DSE: variants seen among roughly 807,000 people sequenced by gnomAD.
The protein encoded by DSE is dermatan-sulfate epimerase.
A neutral mutation model predicts 84.4 loss-of-function variants in DSE; 36 were observed. The observed-to-expected ratio is 0.43, with a 90% CI of 0.33 to 0.56. The LOEUF is 0.56. DSE is among the 20% of genes least tolerant of loss of function. The pLI, the probability that DSE is intolerant of heterozygous loss-of-function variation, is 0.06. For synonymous variants in DSE, 410 were observed against 430.1 expected (o/e 0.95, Z 0.58); for missense variants, 862 against 1,169.6 (o/e 0.74, Z 3.84).
At chr6:116,302,169 T>C (rs2114706811) in intron 2 of DSE, among the ~76,000 whole-genome samples, 1 of 152,312 alleles carries the variant, frequency 6.6e-6, no homozygotes, top group Non-Finnish European at 1.5e-5. Flanking sequence ...GATTGCTGGG[T>C]CAAATGGTAT....
chr6:116,357,000 G>A (rs1477972630), intron 2 of DSE, among the ~76,000 whole-genome samples: 5 of 152,116 alleles, frequency 3.3e-5, no homozygotes, highest in South Asian at 2.1e-4. Flanking sequence ...GCCTCCACAC[G>A]GAGCTATGGT....
chr6:116,352,762 AT>A (rs1168635985), intron 2 of DSE, among the ~76,000 whole-genome samples: 1 of 152,074 alleles, frequency 6.6e-6, no homozygotes, highest in African/African-American at 2.4e-5. Flanking sequence ...ATCATTACCC[AT>A]TTTGCAACAC....
chr6:116,371,154 G>A (rs1272042739), intron 1 of DSE, 33 bp downstream of exon 1: 1 of 985,850 alleles, frequency 1.0e-6, no homozygotes, highest in South Asian at 4.7e-5. Flanking sequence ...GACGAGCTGG[G>A]GCGCGCGGCG....
intron 2 of DSE, among the ~76,000 whole-genome samples, chr6:116,266,742 CT>C (rs748405449): frequency 2.0e-5 from 3 of 152,054 alleles, no homozygotes. Flanking sequence ...TATTTTCTTT[CT>C]TTTTCTTACT....
intron 1 of DSE, among the ~76,000 whole-genome samples, chr6:116,376,833 T>C (rs796982019): frequency 9.8e-5 from 15 of 152,352 alleles, no homozygotes; most frequent in African/African-American, 3.4e-4. Flanking sequence ...AAAAGACATA[T>C]AGGCAGTTGG....
intron 2 of DSE, among the ~76,000 whole-genome samples, chr6:116,351,925 T>G (rs973374715): frequency 2.0e-5 from 3 of 152,210 alleles, no homozygotes; most frequent in Non-Finnish European, 4.4e-5. Flanking sequence ...GTCTTTTACA[T>G]TTTATCATGC....
intron 2 of DSE, chr6:116,278,416 AACAAAGCACAATAGAAGGCAT>A (rs1773267536): frequency 6.5e-7 from 1 of 1,539,108 alleles, no homozygotes. Flanking sequence ...AGTCAGCAAA[AACAAAGCACAATAGAAGGCAT>A]ACTCATTGCT....
At chr6:116,382,777 A>G (rs911581360) in intron 1 of DSE, among the ~76,000 whole-genome samples, 1 of 152,112 alleles carries the variant, frequency 6.6e-6, no homozygotes, top group Admixed American at 6.6e-5. Flanking sequence ...GGCAAGAGAG[A>G]AATTTTTCCC....
In DSE at chr6:116,435,986, C is replaced by T; in HGVS notation, c.1518C>T (p.Cys506=). The change falls in exon 6 of 6, where the codon TGC becomes TGT. Residue 506 remains cysteine (C), a synonymous_variant. Coordinates refer to ENST00000644252, the MANE Select transcript of DSE (RefSeq NM_013352.4). Reference sequence around the variant, plus strand: ...GGGTGGGTCAGGTCACAGAAGACTGCTCATCAAAATGGTCTAAATACAAGC... The same window carrying T: ...GGGTGGGTCAGGTCACAGAAGACTGTTCATCAAAATGGTCTAAATACAAGC... ...SPWVGQVTED[C]SSKWSKYKHD... 8.7e-6 allele frequency: 14 copies of T among 1,614,156 alleles called. No homozygotes were observed. Among genetic ancestry groups the T allele is most frequent in the Non-Finnish European group, 1.2e-5 (14 of 1,180,030 alleles).
At chr6:116,408,002 T>G (rs998312548) in intron 2 of DSE, among the ~76,000 whole-genome samples, 11 of 152,238 alleles carry the variant, frequency 7.2e-5, no homozygotes, top group Non-Finnish European at 1.0e-4. Context: ...ACAGACTGAT[T>G]TATACCTTGT....
At chr6:116,369,815 G>T, upstream of DSE, 19 of 953,304 alleles carry the variant, frequency 2.0e-5, no homozygotes, top group Admixed American at 2.8e-4. Context: ...TTCCTTATTT[G>T]GCCAAATAGA....
chr6:116,435,990 T>A lies in DSE; in HGVS notation c.1522T>A (p.Ser508Thr). The change falls in exon 6 of 6, where the codon TCA becomes ACA. Residue 508 changes from serine (S) to threonine (T), a missense_variant. Physicochemically the swap from Ser to Thr is moderately conservative, Grantham distance 58. Around this residue, in one of 4 missense-constraint regions of DSE, gnomAD observed 186 missense variants for 255.1 expected, o/e 0.73. Transcript: ENST00000644252. ...WVGQVTEDCS[S>T]KWSKYKHDLA... Reference sequence around the variant, plus strand: ...GGGTCAGGTCACAGAAGACTGCTCATCAAAATGGTCTAAATACAAGCATGA... The same window carrying A: ...GGGTCAGGTCACAGAAGACTGCTCAACAAAATGGTCTAAATACAAGCATGA... The A allele has an allele frequency of 1.2e-6, 2 of 1,614,132 alleles. No homozygotes were observed. The highest frequency in any genetic ancestry group is 1.7e-6 in the Non-Finnish European group (2 of 1,180,018).
chr6:116,434,742 T>C (rs747109172), intron 5 of DSE, among the ~76,000 whole-genome samples: 3 of 152,198 alleles, frequency 2.0e-5, no homozygotes, highest in Non-Finnish European at 2.9e-5. Flanking sequence ...AGTAGAGATA[T>C]AATTTCTGAT....
chr6:116,291,554 A>T lies in DSE; in HGVS notation c.-54+32587A>T, dbSNP rs971141068. 1.4e-4 allele frequency among the ~76,000 whole-genome samples: 21 copies of T among 151,100 alleles called. 1 individual carries two copies. Among genetic ancestry groups the T allele is most frequent in the Admixed American group, 1.4e-3 (21 of 15,138 alleles). On this transcript the variant is annotated intron_variant, in intron 2 of 3. Transcript: ENST00000430252. ...ATCTGATAGTTAAAGGCTTTTTATT[A>T]TACATTATTATATGTTTATGATATA...
At chr6:116,291,073 G>A (rs1048623911) in intron 2 of DSE, among the ~76,000 whole-genome samples, 1 of 152,142 alleles carries the variant, frequency 6.6e-6, no homozygotes, top group African/African-American at 2.4e-5. Flanking sequence ...TGAGGTTTAT[G>A]CAGGACACAA....
chr6:116,391,850 A>G (rs780128854), intron 1 of DSE, among the ~76,000 whole-genome samples: 1 of 151,936 alleles, frequency 6.6e-6, no homozygotes, highest in Admixed American at 6.6e-5. Flanking sequence ...CAGGGAGTAT[A>G]ATTTTAGGGA....
chr6:116,300,315 T>C (rs1230680822), intron 2 of DSE, among the ~76,000 whole-genome samples: 1 of 152,220 alleles, frequency 6.6e-6, no homozygotes, highest in Non-Finnish European at 1.5e-5. Context: ...ACTAAATAGT[T>C]CTGATGAGTA....
At chr6:116,352,502 C>T (rs1314775035) in intron 2 of DSE, among the ~76,000 whole-genome samples, 2 of 152,154 alleles carry the variant, frequency 1.3e-5, no homozygotes, top group Non-Finnish European at 2.9e-5. Context: ...GCTAGTTGTG[C>T]TTGGAGCAGT....
chr6:116,402,824 G>A (rs1781679063), intron 2 of DSE, among the ~76,000 whole-genome samples: 1 of 152,148 alleles, frequency 6.6e-6, no homozygotes, highest in South Asian at 2.1e-4. Flanking sequence ...AGGTTTAGTG[G>A]AAAGTAACAA....
Sources: allele counts gnomAD v4.1 joint callset (sites outside exome capture counted in the v4.1 genomes callset), GRCh38; gene constraint gnomAD v4.1.1; regional missense constraint gnomAD v4.1.1; transcripts MANE v1.5; gene names NCBI Gene and HGNC (gene_info 2026-07-23, HGNC 2026-07-21).